Variants in ARPC2 observed in about 807,000 individuals in gnomAD.
ARPC2 encodes the protein actin-related protein 2/3 complex subunit 2.
In ARPC2, 4 loss-of-function variants were observed where a neutral mutation model predicts 38.6. That is an observed-to-expected ratio of 0.10 (90% CI 0.05 to 0.24). ARPC2 has a LOEUF of 0.24. Among genes scored for constraint, ARPC2 ranks in the 10% least tolerant of loss-of-function variants. The pLI is 1.00. For missense variants in ARPC2, 229 were observed against 387.3 expected (o/e 0.59, Z 3.43); for synonymous variants, 125 against 140.8 (o/e 0.89, Z 0.79).
chr2:218,240,112 G>A (rs1030413037), intron 7 of ARPC2, among the ~76,000 whole-genome samples: 3 of 152,006 alleles, frequency 2.0e-5, no homozygotes, highest in South Asian at 2.1e-4. Flanking sequence ...GCGCCACCAC[G>A]CCCAGCTAAT....
At chr2:218,226,163 G>T (rs1367721839) in intron 3 of ARPC2, among the ~76,000 whole-genome samples, 1 of 151,918 alleles carries the variant, frequency 6.6e-6, no homozygotes, top group Non-Finnish European at 1.5e-5. Context: ...CATGGTGGTG[G>T]GCACCTGTAA....
intron 7 of ARPC2, among the ~76,000 whole-genome samples, chr2:218,240,667 G>A (rs1185584957): frequency 6.6e-6 from 1 of 152,002 alleles, no homozygotes; most frequent in East Asian, 1.9e-4. Context: ...CGAGGTGGGC[G>A]GATCACGAGG....
chr2:218,220,717 C>G (rs1689363835), intron 2 of ARPC2, among the ~76,000 whole-genome samples: 1 of 125,622 alleles, frequency 8.0e-6, no homozygotes, highest in Admixed American at 8.8e-5. Context: ...GTGTTGTCAT[C>G]TAAACTGTTT....
chr2:218,253,669 C>T (rs767567710), intron 10 of ARPC2, among the ~76,000 whole-genome samples: 1 of 152,180 alleles, frequency 6.6e-6, no homozygotes, highest in Non-Finnish European at 1.5e-5. Context: ...CTGATATTCC[C>T]GGGCATCCAA....
chr2:218,220,403 G>A (rs1273737201), intron 2 of ARPC2, among the ~76,000 whole-genome samples: 1 of 152,120 alleles, frequency 6.6e-6, no homozygotes, highest in Non-Finnish European at 1.5e-5. Context: ...TGAGTTCCTC[G>A]GTCACACTAG....
At chr2:218,253,429 T>C (rs748123555) in intron 10 of ARPC2, among the ~76,000 whole-genome samples, 3 of 152,226 alleles carry the variant, frequency 2.0e-5, no homozygotes, top group Non-Finnish European at 2.9e-5. Flanking sequence ...TTGGAAGTTC[T>C]GAGGATTGCT....
chr2:218,234,212 C>T, intron 4 of ARPC2, 140 bp from the exon 5 acceptor site: 2 of 622,604 alleles, frequency 3.2e-6, no homozygotes, highest in Non-Finnish European at 5.4e-6. Context: ...CCCTCTGTCT[C>T]TACTTTCCCA....
At chr2:218,238,155 A>G (rs1689817436) in intron 5 of ARPC2, among the ~76,000 whole-genome samples, 1 of 152,204 alleles carries the variant, frequency 6.6e-6, no homozygotes, top group South Asian at 2.1e-4. Flanking sequence ...CTACCCTGCC[A>G]CCTCATAAAG....
At chr2:218,234,638 C>T in intron 5 of ARPC2, 1 of 540,768 alleles carries the variant, frequency 1.8e-6, no homozygotes, top group South Asian at 2.0e-5. Context: ...CTTGATGGGG[C>T]CACATGACTC....
At chr2:218,234,987 A>G in intron 5 of ARPC2, 1 of 385,352 alleles carries the variant, frequency 2.6e-6, no homozygotes, top group Non-Finnish European at 5.2e-6. Context: ...TTACCCTGTG[A>G]TTCAGTGGCA....
intron 10 of ARPC2, among the ~76,000 whole-genome samples, chr2:218,251,089 G>C (rs1210828454): frequency 6.6e-6 from 1 of 152,020 alleles, no homozygotes; most frequent in East Asian, 1.9e-4. Context: ...ACCCACCTCG[G>C]CCTCCCATCT....
At chr2:218,217,424 A>C (rs973238660) in intron 1 of ARPC2, 39 bp from the exon 2 acceptor site, 11 of 1,595,682 alleles carry the variant, frequency 6.9e-6, no homozygotes, top group Admixed American at 5.0e-5. Context: ...TCCCTTACCC[A>C]CCCTCACCGG....
chr2:218,225,619 G>C (rs1264044418), intron 2 of ARPC2, among the ~76,000 whole-genome samples: 1 of 152,238 alleles, frequency 6.6e-6, no homozygotes, highest in Non-Finnish European at 1.5e-5. Context: ...ATAGCATGTT[G>C]TTAGGAAATT....
chr2:218,249,970 A>G (rs1266211072), intron 10 of ARPC2, 49 bp downstream of exon 10: 2 of 1,480,822 alleles, frequency 1.4e-6, no homozygotes, highest in African/African-American at 2.8e-5. Flanking sequence ...TGAGTCACCG[A>G]GAAGGAAGCA....
chr2:218,240,794 G>A (rs1689895110), intron 7 of ARPC2, among the ~76,000 whole-genome samples: 1 of 152,170 alleles, frequency 6.6e-6, no homozygotes, highest in Non-Finnish European at 1.5e-5. Flanking sequence ...TTGGGAGGCT[G>A]AGGCAGGAGA....
chr2:218,234,137 C>T (rs1262553844), intron 4 of ARPC2: 1 of 426,518 alleles, frequency 2.3e-6, no homozygotes, highest in East Asian at 4.1e-5. Flanking sequence ...CCATTGCACT[C>T]TGTCCCAGGC....
intron 8 of ARPC2, among the ~76,000 whole-genome samples, chr2:218,248,541 ACCT>A (rs1233627736): frequency 6.6e-6 from 1 of 151,460 alleles, no homozygotes; most frequent in African/African-American, 2.4e-5. Context: ...GCTCACTGCA[ACCT>A]CCACCCCCCG....
intron 8 of ARPC2, among the ~76,000 whole-genome samples, chr2:218,247,664 C>G (rs1433713290): frequency 6.6e-6 from 1 of 151,992 alleles, no homozygotes; most frequent in Non-Finnish European, 1.5e-5. Context: ...GGGTTTCCAG[C>G]TGGGCACGGT....
chr2:218,217,251 C>T lies in ARPC2; in HGVS notation c.-12C>T, dbSNP rs974550782. On this transcript the variant is annotated 5_prime_UTR_variant, in exon 1 of 11. Coordinates refer to ENST00000315717, the MANE Select transcript of ARPC2 (RefSeq NM_152862.3). The stretch of plus-strand genomic sequence containing the variant: ...GGCAGGCGGGTTCAGGCTTCGGGGG[C>T]CAGGTCGGTTGGGTGGGTGGGTGTC... 2 of 468,430 alleles carry T rather than the reference C, an allele frequency of 4.3e-6. No individual in the cohort carries two copies. Among genetic ancestry groups the T allele is most frequent in the African/African-American group, 2.1e-5 (1 of 47,114 alleles). 29.0% of individuals were successfully genotyped at this position (468,430 alleles called of 1,614,324 possible).
Sources: gnomAD v4.1 joint callset for allele counts (sites outside exome capture counted in the v4.1 genomes callset) on GRCh38, gnomAD v4.1.1 for gene constraint, MANE v1.5 for transcripts, NCBI Gene and HGNC (gene_info 2026-07-23, HGNC 2026-07-21) for gene names.